The following SNX19 variants were observed in gnomAD, a reference collection of about 807,000 sequenced individuals.
SNX19 encodes sorting nexin-19.
In SNX19, 60 loss-of-function variants were observed where a neutral mutation model predicts 85.2. That is an observed-to-expected ratio of 0.70 (90% CI 0.57 to 0.87). The LOEUF is 0.87. Ranked by LOEUF, SNX19 falls within the 40% of genes least tolerant of loss-of-function variation. The pLI, the probability that SNX19 is intolerant of heterozygous loss-of-function variation, is 0.00. For missense variants in SNX19, 1,201 were observed against 1,217.8 expected (o/e 0.99, Z 0.21); for synonymous variants, 520 against 470.0 (o/e 1.11, Z -1.38).
In SNX19 at chr11:130,879,655, G is replaced by C; in HGVS notation, c.2815C>G (p.Leu939Val). The C allele has an allele frequency of 6.2e-7, 1 of 1,613,902 alleles. No individual in the cohort carries two copies. Among genetic ancestry groups the C allele is most frequent in the Non-Finnish European group, 8.5e-7 (1 of 1,179,924 alleles). Residue 939 changes from leucine to valine, a missense_variant, in exon 10 of 11, where the codon CTG becomes GTG. Leu to Val is a conservative substitution (Grantham distance 32). Around this residue, in one of 3 missense-constraint regions of SNX19, gnomAD observed 285 missense variants for 295.3 expected, o/e 0.97. Transcript: ENST00000265909. Reference protein sequence around the residue: ...NKCRLSWGLVLESLQQPLINR... With the variant: ...NKCRLSWGLVVESLQQPLINR... ...ATGAGGGGTTGTTGTAGTGACTCCAGGACTAGACCCCAGCTCAGCCGGCAT... is the reference window on the plus strand; with the variant it reads ...ATGAGGGGTTGTTGTAGTGACTCCACGACTAGACCCCAGCTCAGCCGGCAT...
chr11:130,909,521 C>G (rs1316744360), intron 4 of SNX19, among the ~76,000 whole-genome samples: 1 of 152,206 alleles, frequency 6.6e-6, no homozygotes, highest in Non-Finnish European at 1.5e-5. Flanking sequence ...CTTCCACCAT[C>G]TCCATAGGTG....
chr11:130,889,407 C>T (rs1387490534), intron 8 of SNX19, among the ~76,000 whole-genome samples: 3 of 151,978 alleles, frequency 2.0e-5, no homozygotes, highest in Non-Finnish European at 4.4e-5. Flanking sequence ...CAGAAAAAGA[C>T]TCTTAAGGTT....
At chr11:130,911,056 G>A (rs1018192242) in intron 2 of SNX19, among the ~76,000 whole-genome samples, 29 of 152,110 alleles carry the variant, frequency 1.9e-4, no homozygotes, top group Admixed American at 1.3e-4. Context: ...TTAGCCAGGC[G>A]TGGTGGCGGG....
At chr11:130,886,257 G>A (rs1944057230) in intron 8 of SNX19, among the ~76,000 whole-genome samples, 1 of 152,166 alleles carries the variant, frequency 6.6e-6, no homozygotes, top group Non-Finnish European at 1.5e-5. Context: ...GGCATCTCAT[G>A]TTTGGAGACA....
Position 130,880,778 on chromosome 11 carries a change from T to C in SNX19, c.2602A>G (p.Thr868Ala). Residue 868 changes from threonine to alanine, a missense_variant, in exon 9 of 11, where the codon ACA becomes GCA. Coordinates refer to ENST00000265909, the MANE Select transcript of SNX19 (RefSeq NM_014758.3). ...TACTGCACCCAGCGCTGTGGACTTGTTAAATTAGCTACCTGCACCTCTAGC... is the reference window on the plus strand; with the variant it reads ...TACTGCACCCAGCGCTGTGGACTTGCTAAATTAGCTACCTGCACCTCTAGC... ...RWLEVQVANLTSPQRWVQYLL... is the reference protein window; with the variant it reads ...RWLEVQVANLASPQRWVQYLL... The C allele has an allele frequency of 2.5e-6, 4 of 1,572,466 alleles. No homozygotes were observed. The highest frequency in any genetic ancestry group is 3.5e-6 in the Non-Finnish European group (4 of 1,149,304).
rs909470073 is a variant in SNX19, at chr11:130,875,972, T to C, written c.*2450A>G. 6.6e-6 allele frequency: 1 copy of C among 152,222 alleles called. No individual in the cohort carries two copies. Among genetic ancestry groups the C allele is most frequent in the South Asian group, 2.1e-4 (1 of 4,836 alleles). The allele number at this position is 152,222 out of a possible 1,614,324, so 9.4% of individuals were successfully genotyped here. On this transcript the variant is annotated 3_prime_UTR_variant, in exon 11 of 11. Transcript: ENST00000265909. ...GTGAGTTATATGTGATGAAAAAGTA[T>C]AGCTTTCTTGAATTCAAATAAGCAA...
chr11:130,903,225 C>G, intron 8 of SNX19, 30 bp downstream of exon 8: 1 of 1,612,512 alleles, frequency 6.2e-7, no homozygotes, highest in Non-Finnish European at 8.5e-7. Flanking sequence ...ACTTGAGATT[C>G]TGATGTGAGG....
chr11:130,903,194 A>T, intron 8 of SNX19, 61 bp downstream of exon 8: 2 of 1,605,212 alleles, frequency 1.2e-6, no homozygotes, highest in Non-Finnish European at 1.7e-6. Flanking sequence ...ACTATTCAGC[A>T]TCACATCCAC....
At position 130,906,223 on chromosome 11, in the gene SNX19, A is replaced by AT. The variant is rs1055573667; in HGVS notation, c.2263-91dup. ...CTAGGTTTCCCTGCCTCTCCCCTGC[A>AT]TAAGTACCTTGGGTATAAAACCCAA... On this transcript the variant is annotated intron_variant, in intron 6 of 10. Coordinates refer to ENST00000265909, the MANE Select transcript of SNX19 (RefSeq NM_014758.3). 4 of 1,340,072 alleles carry AT rather than the reference A, an allele frequency of 3.0e-6. No homozygotes were observed. The African/African-American group carries it at 5.9e-5, about 20-fold the overall frequency. 83.0% of individuals were successfully genotyped at this position (1,340,072 alleles called of 1,614,324 possible).
chr11:130,882,688 T>G (rs1943764930), intron 8 of SNX19, among the ~76,000 whole-genome samples: 1 of 152,228 alleles, frequency 6.6e-6, no homozygotes, highest in Non-Finnish European at 1.5e-5. Flanking sequence ...GTAGCAAGAA[T>G]TCCTGTTCCT....
In SNX19 at chr11:130,870,668, G is replaced by A. The variant is rs1942989716; in HGVS notation, c.*7754C>T. On this transcript the variant is annotated 3_prime_UTR_variant, in exon 11 of 11. Coordinates refer to ENST00000265909, the MANE Select transcript of SNX19 (RefSeq NM_014758.3). ...GTCACCAGCACCCTGTCTCTGGGATGTGGAAGGTTGGGAGAAAGGAATCAA... is the reference window on the plus strand; with the variant it reads ...GTCACCAGCACCCTGTCTCTGGGATATGGAAGGTTGGGAGAAAGGAATCAA... 6.6e-6 allele frequency among the ~76,000 whole-genome samples: 1 copy of A among 152,218 alleles called. No homozygotes were observed. Among genetic ancestry groups the A allele is most frequent in the African/African-American group, 2.4e-5 (1 of 41,456 alleles).
At position 130,869,341 on chromosome 11, in the gene SNX19, C is replaced by CA. The variant is rs1296735508; in HGVS notation, c.*9080dup. On this transcript the variant is annotated 3_prime_UTR_variant, in exon 11 of 11. Coordinates refer to ENST00000265909, the MANE Select transcript of SNX19 (RefSeq NM_014758.3). ...ATCAGTGCAGTTAAGTAAAAAGGCA[C>CA]ATGGAACTATATGAACAGATGCCAT... The CA allele has an allele frequency of 6.6e-6, 1 of 152,224 alleles. No homozygotes were observed. Among genetic ancestry groups the CA allele is most frequent in the Non-Finnish European group, 1.5e-5 (1 of 68,044 alleles). 9.4% of individuals were successfully genotyped at this position (152,224 alleles called of 1,614,324 possible).
intron 8 of SNX19, among the ~76,000 whole-genome samples, chr11:130,902,463 C>A (rs548038297): frequency 6.6e-6 from 1 of 152,088 alleles, no homozygotes; most frequent in Non-Finnish European, 1.5e-5. Context: ...TTAGCATGAG[C>A]CTCATGCTAA....
At chr11:130,908,562 GC>G (rs1466497735) in intron 4 of SNX19, among the ~76,000 whole-genome samples, 3 of 152,180 alleles carry the variant, frequency 2.0e-5, no homozygotes, top group Non-Finnish European at 4.4e-5. Context: ...ATATTAACAT[GC>G]TTAGAGTAAC....
intron 5 of SNX19, among the ~76,000 whole-genome samples, 197 bp from the exon 6 acceptor site, chr11:130,906,918 G>C (rs1945718753): frequency 6.6e-6 from 1 of 152,232 alleles, no homozygotes; most frequent in Non-Finnish European, 1.5e-5. Context: ...ATTCTTGATA[G>C]ATAATGTTAA....
chr11:130,885,628 A>C (rs1944005964), intron 8 of SNX19, among the ~76,000 whole-genome samples: 1 of 152,208 alleles, frequency 6.6e-6, no homozygotes, highest in Admixed American at 6.5e-5. Flanking sequence ...AACAGAAAAT[A>C]TTCATAAGAT....
At chr11:130,903,465 G>C (rs1230604389) in intron 7 of SNX19, 81 bp from the exon 8 acceptor site, 1 of 1,479,590 alleles carries the variant, frequency 6.8e-7, no homozygotes, top group East Asian at 2.3e-5. Flanking sequence ...GGTGGCACCT[G>C]TGTCTCTCTA....
chr11:130,905,747 C>T, intron 7 of SNX19: 2 of 1,536,846 alleles, frequency 1.3e-6, no homozygotes, highest in Non-Finnish European at 1.7e-6. Flanking sequence ...GTGTTTGTGC[C>T]CTGTTCTGCT....
intron 8 of SNX19, among the ~76,000 whole-genome samples, chr11:130,881,321 G>C (rs1320561073): frequency 6.6e-6 from 1 of 152,194 alleles, no homozygotes; most frequent in Non-Finnish European, 1.5e-5. Flanking sequence ...TTGAAGATGA[G>C]TAACAATAAG....
Sources: gnomAD v4.1 joint callset for allele counts (sites outside exome capture counted in the v4.1 genomes callset) on GRCh38, gnomAD v4.1.1 for gene constraint, gnomAD v4.1.1 regional missense constraint, MANE v1.5 for transcripts, NCBI Gene and HGNC (gene_info 2026-07-23, HGNC 2026-07-21) for gene names.